Variants in ZDHHC5 observed in about 807,000 individuals in gnomAD.
The protein encoded by ZDHHC5 is palmitoyltransferase ZDHHC5.
A neutral mutation model predicts 70.0 loss-of-function variants in ZDHHC5; 22 were observed. That is an observed-to-expected ratio of 0.31 (90% CI 0.22 to 0.45). The LOEUF is 0.45. Ranked by LOEUF, ZDHHC5 falls within the 20% of genes least tolerant of loss-of-function variation. ZDHHC5 has a pLI of 1.00. For synonymous variants in ZDHHC5, 313 were observed against 347.8 expected (o/e 0.90, Z 1.11); for missense variants, 746 against 926.9 (o/e 0.80, Z 2.53).
chr11:57,682,422 G>A lies in ZDHHC5; in HGVS notation c.105G>A (p.Thr35=). 3.1e-6 allele frequency: 5 copies of A among 1,609,772 alleles called. No homozygotes were observed. The highest frequency in any genetic ancestry group is 4.2e-6 in the Non-Finnish European group (5 of 1,178,000). The change falls in exon 3 of 12, where the codon ACG becomes ACA. Residue 35 remains threonine, a splice_region_variant and synonymous_variant. Coordinates refer to ENST00000287169, the MANE Select transcript of ZDHHC5 (RefSeq NM_015457.3). ...VGATTLFFAF[T]CPGLSLYVSP... Reference sequence around the variant, plus strand: ...CTCATTTTCTTTATTGTCTGTGCAGGTGTCCAGGACTAAGCCTGTATGTGT... The same window carrying A: ...CTCATTTTCTTTATTGTCTGTGCAGATGTCCAGGACTAAGCCTGTATGTGT...
At chr11:57,690,313 C>T in intron 5 of ZDHHC5, 22 bp from the exon 6 acceptor site, 1 of 1,614,066 alleles carries the variant, frequency 6.2e-7, no homozygotes, top group African/African-American at 1.3e-5. Flanking sequence ...TTGCTCTGTT[C>T]TCCTTGATTG....
In ZDHHC5 at chr11:57,698,797, C is replaced by G; in HGVS notation, c.1361C>G (p.Thr454Ser). Reference protein sequence around the residue: ...QSIRSEGTTSTSYKSLANQTR... With the variant: ...QSIRSEGTTSSSYKSLANQTR... Reference sequence around the variant, plus strand: ...ATTCGTTCAGAGGGCACCACCTCCACCTCCTATAAGAGCCTGGCCAACCAG... The same window carrying G: ...ATTCGTTCAGAGGGCACCACCTCCAGCTCCTATAAGAGCCTGGCCAACCAG... Residue 454 changes from threonine to serine, a missense_variant, in exon 11 of 12, where the codon ACC (threonine) becomes AGC (serine). Physicochemically the swap from Thr to Ser is moderately conservative, Grantham distance 58. This residue lies in a region of ZDHHC5 where 340 missense variants were observed against 350.1 expected (regional missense o/e 0.97). Transcript: ENST00000287169. 1 of 1,614,234 alleles carries G rather than the reference C, an allele frequency of 6.2e-7. No homozygotes were observed. The highest frequency in any genetic ancestry group is 8.5e-7 in the Non-Finnish European group (1 of 1,180,034).
At chr11:57,682,364 T>A in intron 2 of ZDHHC5, 58 bp from the exon 3 acceptor site, 1 of 1,558,400 alleles carries the variant, frequency 6.4e-7, no homozygotes, top group South Asian at 1.2e-5. Flanking sequence ...TTTTTGTATG[T>A]ATGGTTCGTG....
intron 3 of ZDHHC5, among the ~76,000 whole-genome samples, chr11:57,686,455 A>C (rs778299026): frequency 6.6e-6 from 1 of 151,760 alleles, no homozygotes; most frequent in Non-Finnish European, 1.5e-5. Flanking sequence ...CGCTGGAATT[A>C]CAGGAGCGTG....
intron 2 of ZDHHC5, among the ~76,000 whole-genome samples, chr11:57,676,426 C>T (rs576421132): frequency 6.6e-6 from 1 of 152,152 alleles, no homozygotes; most frequent in Admixed American, 6.5e-5. Context: ...TTTAGGATAA[C>T]TACTTGGATG....
At chr11:57,675,977 C>T (rs1946066678) in intron 2 of ZDHHC5, among the ~76,000 whole-genome samples, 1 of 152,176 alleles carries the variant, frequency 6.6e-6, no homozygotes, top group South Asian at 2.1e-4. Context: ...ACTCTATCAT[C>T]CTCCTATTCT....
chr11:57,673,311 T>A, intron 2 of ZDHHC5, 117 bp downstream of exon 2: 1 of 889,918 alleles, frequency 1.1e-6, no homozygotes, highest in East Asian at 2.6e-5. Context: ...CAGCGTCTGG[T>A]ACAGGTAAAT....
chr11:57,678,620 C>T (rs1946106183), intron 2 of ZDHHC5, among the ~76,000 whole-genome samples: 1 of 151,068 alleles, frequency 6.6e-6, no homozygotes, highest in Non-Finnish European at 1.5e-5. Flanking sequence ...TGGCTCACAC[C>T]TGTAATCCTA....
rs1176326354 is a variant in ZDHHC5 at position 57,672,666 on chromosome 11, T to G, written c.-425T>G. 1 of 185,126 alleles carries G rather than the reference T, an allele frequency of 5.4e-6. No individual in the cohort carries two copies. Among genetic ancestry groups the G allele is most frequent in the Non-Finnish European group, 1.1e-5 (1 of 90,408 alleles). The allele number at this position is 185,126 out of a possible 1,614,324, so 11.5% of individuals were successfully genotyped here. On this transcript the variant is annotated 5_prime_UTR_variant, in exon 2 of 12. Transcript: ENST00000287169. Reference sequence around the variant, plus strand: ...GAAGAATTTTTCTTTGCCCAAAGTTTTTTTGCCATACCCTGATATTCTCTC... The same window carrying G: ...GAAGAATTTTTCTTTGCCCAAAGTTGTTTTGCCATACCCTGATATTCTCTC...
intron 2 of ZDHHC5, among the ~76,000 whole-genome samples, chr11:57,678,685 C>T (rs1946107060): frequency 6.6e-6 from 1 of 151,858 alleles, no homozygotes; most frequent in Non-Finnish European, 1.5e-5. Flanking sequence ...TCGAGACCAG[C>T]CTGGCCAACA....
intron 2 of ZDHHC5, among the ~76,000 whole-genome samples, chr11:57,679,763 C>T (rs1270884588): frequency 6.6e-6 from 1 of 152,070 alleles, no homozygotes; most frequent in African/African-American, 2.4e-5. Flanking sequence ...CGGAAAGCCT[C>T]TCCTTAAATC....
At chr11:57,695,893 T>C in intron 8 of ZDHHC5, 27 bp from the exon 9 acceptor site, 1 of 1,605,154 alleles carries the variant, frequency 6.2e-7, no homozygotes, top group South Asian at 1.1e-5. Context: ...TTTCTAAATC[T>C]GATTTTCCCT....
chr11:57,682,085 C>T (rs1223823497), intron 2 of ZDHHC5, among the ~76,000 whole-genome samples: 1 of 152,174 alleles, frequency 6.6e-6, no homozygotes, highest in Non-Finnish European at 1.5e-5. Context: ...TAGTCAGTAC[C>T]TGGTTCTCAT....
At chr11:57,687,756 G>GTTTTTTTTTTTTTT (rs746146074) in intron 3 of ZDHHC5, among the ~76,000 whole-genome samples, 17 of 75,274 alleles carry the variant, frequency 2.3e-4, no homozygotes, top group African/African-American at 8.4e-4. Context: ...TTTTGGGAAA[G>GTTTTTTTTTTTTTT]TTTTTTTTTT....
chr11:57,678,432 G>T (rs1246797327), intron 2 of ZDHHC5, among the ~76,000 whole-genome samples: 2 of 152,076 alleles, frequency 1.3e-5, no homozygotes, highest in African/African-American at 2.4e-5. Context: ...TTAGCCAGGC[G>T]TGGTGGTGGG....
chr11:57,689,671 C>T (rs986075637), intron 4 of ZDHHC5, among the ~76,000 whole-genome samples: 26 of 146,796 alleles, frequency 1.8e-4, no homozygotes, highest in South Asian at 8.6e-4. Flanking sequence ...CCACCGCGCC[C>T]GGCCAATTTT....
intron 2 of ZDHHC5, among the ~76,000 whole-genome samples, chr11:57,676,995 C>G (rs1381097391): frequency 7.3e-6 from 1 of 137,922 alleles, no homozygotes; most frequent in African/African-American, 2.8e-5. Context: ...GATCTCGGCT[C>G]GCTGCAAGCT....
rs771288681 is a variant in ZDHHC5, at chr11:57,682,470, T to C, written c.153T>C (p.Asn51=). The C allele has an allele frequency of 1.3e-5, 21 of 1,614,098 alleles. No individual in the cohort carries two copies. The highest frequency in any genetic ancestry group is 1.7e-5 in the Non-Finnish European group (20 of 1,180,042). Residue 51 remains asparagine, a synonymous_variant, in exon 3 of 12, where the codon AAT becomes AAC. Transcript: ENST00000287169. ...LYVSPAVPIY[N]AIMFLFVLAN... is the part of the protein sequence containing the mutation. ...TGTCACCTGCAGTGCCCATCTACAA[T>C]GCAATTATGTTTCTCTTTGTGTTGG...
intron 1 of ZDHHC5, 42 bp from the exon 2 acceptor site, chr11:57,671,979 C>A (rs1946012455): frequency 2.9e-6 from 1 of 345,446 alleles, no homozygotes; most frequent in African/African-American, 2.1e-5. Flanking sequence ...CTAAGAAATA[C>A]CCTGAAAGAA....
Sources: allele counts gnomAD v4.1 joint callset (sites outside exome capture counted in the v4.1 genomes callset), GRCh38; gene constraint gnomAD v4.1.1; regional missense constraint gnomAD v4.1.1; transcripts MANE v1.5; gene names NCBI Gene and HGNC (gene_info 2026-07-23, HGNC 2026-07-21).